The following PI16 variants were observed in gnomAD, a reference collection of about 807,000 sequenced individuals.
The protein encoded by PI16 is PSP94-binding protein.
Under a neutral mutation model 38.0 loss-of-function variants are expected in PI16, and 35 were observed. The observed-to-expected ratio is 0.92, with a 90% confidence interval of 0.70 to 1.22. The LOEUF (loss-of-function observed/expected upper bound fraction) is 1.22, where lower values mean the gene tolerates loss of function less well. PI16 is among the 50% of genes most tolerant of loss of function. PI16 has a pLI of 0.00. For missense variants in PI16, 572 were observed against 593.8 expected (o/e 0.96, Z 0.38); for synonymous variants, 275 against 252.9 (o/e 1.09, Z -0.83).
chr6:36,962,104 G>A lies in PI16; in HGVS notation c.592+130G>A, dbSNP rs1003830074. The A allele has an allele frequency of 3.6e-5, 24 of 659,822 alleles. No homozygotes were observed. The Middle Eastern group carries it at 1.2e-3, about 33-fold the overall frequency. 40.9% of individuals were successfully genotyped at this position (659,822 alleles called of 1,614,324 possible). A position where few individuals can be genotyped will look rare whatever the true frequency, so the allele number is the denominator to read the frequency against. ...AGGAGCCTGGTGGGATGCGACCACC[G>A]GGGGCCCCTGGCGGCTCCCTTAGCC... On this transcript the variant is annotated intron_variant, in intron 4 of 6. Coordinates refer to ENST00000373674, the MANE Select transcript of PI16 (RefSeq NM_153370.3). The surrounding 1 kb of genome is among the most constrained non-coding windows in gnomAD (Gnocchi z 4.1).
At chr6:36,954,477 TG>T (rs1763152917), upstream of PI16, 46 of 357,684 alleles carry the variant, frequency 1.3e-4, no homozygotes, top group South Asian at 2.0e-3. Context: ...ACTGTGATTT[TG>T]CCCCTGAAGG....
At chr6:36,955,469 G>A (rs949409386) in intron 1 of PI16, among the ~76,000 whole-genome samples, 1 of 152,096 alleles carries the variant, frequency 6.6e-6, no homozygotes. Context: ...AGAGGGCTCT[G>A]GATCACACAG....
At chr6:36,964,028 C>T in intron 6 of PI16, 66 bp downstream of exon 6, 1 of 1,514,790 alleles carries the variant, frequency 6.6e-7, no homozygotes, top group South Asian at 1.3e-5. Context: ...AAGTGAGAGA[C>T]CACAGCTTCC....
At position 36,961,511 on chromosome 6, in the gene PI16, G is replaced by A. The variant is rs761789583; in HGVS notation, c.454G>A (p.Gly152Ser). ...CGSHFCEKLQ[G>S]VEETNIELLV... ...TTCCCACTTCTGTGAGAAGCTCCAG[G>A]GTGTTGAGGAGACCAACATCGAATT... The change falls in exon 3 of 7, where the codon GGT becomes AGT. Residue 152 changes from glycine to serine, a missense_variant. Gly to Ser is a moderately conservative substitution (Grantham distance 56). Coordinates refer to ENST00000373674, the MANE Select transcript of PI16 (RefSeq NM_153370.3). 3 of 1,614,102 alleles carry A rather than the reference G, an allele frequency of 1.9e-6. No individual in the cohort carries two copies. Among genetic ancestry groups the A allele is most frequent in the Non-Finnish European group, 2.5e-6 (3 of 1,180,044 alleles).
chr6:36,957,040 C>T (rs1412518986), intron 1 of PI16, among the ~76,000 whole-genome samples: 1 of 152,214 alleles, frequency 6.6e-6, no homozygotes, highest in Non-Finnish European at 1.5e-5. Flanking sequence ...AGGATAGCCT[C>T]TACCTGTTCC....
intron 1 of PI16, among the ~76,000 whole-genome samples, chr6:36,958,549 G>A (rs902922964): frequency 1.3e-5 from 2 of 152,156 alleles, no homozygotes; most frequent in African/African-American, 2.4e-5. Context: ...CTTGGAGAAA[G>A]GGGGTTGCCG....
chr6:36,952,971 T>G (rs1236415398), upstream of PI16, among the ~76,000 whole-genome samples: 1 of 152,212 alleles, frequency 6.6e-6, no homozygotes, highest in Non-Finnish European at 1.5e-5. Context: ...TCTTTCACTT[T>G]GTTTGTCAAC....
At chr6:36,961,816 G>T (rs1266083883) in intron 3 of PI16, 70 bp from the exon 4 acceptor site, 1 of 1,282,110 alleles carries the variant, frequency 7.8e-7, no homozygotes. Context: ...GTAGGTGTGT[G>T]TATAGGAGTT....
chr6:36,962,109 C>A lies in PI16; in HGVS notation c.592+135C>A. Reference sequence around the variant, plus strand: ...CCTGGTGGGATGCGACCACCGGGGGCCCCTGGCGGCTCCCTTAGCCCCCCA... The same window carrying A: ...CCTGGTGGGATGCGACCACCGGGGGACCCTGGCGGCTCCCTTAGCCCCCCA... On this transcript the variant is annotated intron_variant, in intron 4 of 6. Coordinates refer to ENST00000373674, the MANE Select transcript of PI16 (RefSeq NM_153370.3). This position sits in a 1 kb window ranked among gnomAD's most constrained non-coding sequence, Gnocchi z 4.1. The A allele has an allele frequency of 1.6e-6, 1 of 643,628 alleles. No homozygotes were observed. The highest frequency in any genetic ancestry group is 2.7e-6 in the Non-Finnish European group (1 of 366,762). 39.9% of individuals were successfully genotyped at this position (643,628 alleles called of 1,614,324 possible). A position where few individuals can be genotyped will look rare whatever the true frequency, so the allele number is the denominator to read the frequency against.
chr6:36,952,184 G>A (rs1372582624), upstream of PI16, among the ~76,000 whole-genome samples: 4 of 151,828 alleles, frequency 2.6e-5, no homozygotes. Context: ...AGTAGAGACG[G>A]GGTTTCACCA....
upstream of PI16, among the ~76,000 whole-genome samples, chr6:36,952,138 C>T (rs556247974): frequency 4.7e-3 from 712 of 151,656 alleles, 5 homozygotes; most frequent in African/African-American, 0.016. Context: ...GGACTACAGG[C>T]GCCTGCCACC....
At chr6:36,952,833 A>ATGT (rs1763120689), upstream of PI16, among the ~76,000 whole-genome samples, 2 of 152,176 alleles carry the variant, frequency 1.3e-5, no homozygotes, top group Non-Finnish European at 2.9e-5. Context: ...TTCTATAAAA[A>ATGT]TATTATGATT....
chr6:36,959,388 C>A, intron 2 of PI16, 22 bp downstream of exon 2: 1 of 1,534,572 alleles, frequency 6.5e-7, no homozygotes, highest in Admixed American at 2.0e-5. Flanking sequence ...GCGGGCGAGG[C>A]GGGGCGGAGC....
At chr6:36,950,186 C>A (rs1420792986), upstream of PI16, among the ~76,000 whole-genome samples, 2 of 152,192 alleles carry the variant, frequency 1.3e-5, no homozygotes, top group African/African-American at 2.4e-5. This position sits in a 1 kb window ranked among gnomAD's most constrained non-coding sequence, Gnocchi z 4.2. Context: ...TAAACACTAA[C>A]TCCCCATTCT....
chr6:36,949,838 T>C (rs1763071260), upstream of PI16, among the ~76,000 whole-genome samples: 1 of 152,158 alleles, frequency 6.6e-6, no homozygotes, highest in South Asian at 2.1e-4. Flanking sequence ...CTGTTGCTCA[T>C]GGTGACTCAG....
At chr6:36,953,487 C>G (rs941306950), upstream of PI16, among the ~76,000 whole-genome samples, 3 of 151,742 alleles carry the variant, frequency 2.0e-5, no homozygotes, top group African/African-American at 7.3e-5. Flanking sequence ...ATTTTGTATC[C>G]TGCAACTTTG....
intron 5 of PI16, 71 bp from the exon 6 acceptor site, chr6:36,963,752 G>A (rs1763438362): frequency 2.6e-6 from 4 of 1,533,556 alleles, no homozygotes; most frequent in African/African-American, 2.8e-5. Context: ...CCACCTCCTT[G>A]CATGGTGGGG....
At chr6:36,954,029 C>T (rs1480244589), upstream of PI16, among the ~76,000 whole-genome samples, 1 of 152,206 alleles carries the variant, frequency 6.6e-6, no homozygotes. Context: ...TGGGGAAGAC[C>T]TTGGCCTCTC....
At position 36,959,203 on chromosome 6, in the gene PI16, G is replaced by A. The variant is rs1364914609; in HGVS notation, c.230G>A (p.Gly77Asp). ...GCCTACGCACGGCAGTGCGTGTGGG[G>A]CCACAACAAGGAGCGCGGGCGCCGC... ...AKAYARQCVW[G>D]HNKERGRRGE... Residue 77 changes from glycine to aspartate, a missense_variant, in exon 2 of 7, where the codon GGC (glycine) becomes GAC (aspartate). Physicochemically the swap from Gly to Asp is moderately conservative, Grantham distance 94. Coordinates refer to ENST00000373674, the MANE Select transcript of PI16 (RefSeq NM_153370.3). The A allele has an allele frequency of 1.9e-6, 3 of 1,611,454 alleles. No homozygotes were observed. Among genetic ancestry groups the A allele is most frequent in the Non-Finnish European group, 2.5e-6 (3 of 1,179,396 alleles).
Sources: allele counts gnomAD v4.1 joint callset (sites outside exome capture counted in the v4.1 genomes callset), GRCh38; gene constraint gnomAD v4.1.1; non-coding constraint Gnocchi (gnomAD v3.1); transcripts MANE v1.5; gene names NCBI Gene and HGNC (gene_info 2026-07-23, HGNC 2026-07-21).